CDK8: variants seen among roughly 807,000 people sequenced by gnomAD.
CDK8 encodes the protein cyclin-dependent kinase 8.
In CDK8, 29 loss-of-function variants were observed where a neutral mutation model predicts 71.5. The ratio of observed to expected loss-of-function variants is 0.41; its 90% CI spans 0.30 to 0.55. The LOEUF (loss-of-function observed/expected upper bound fraction) is 0.55. CDK8 is among the 20% of genes least tolerant of loss of function. The pLI is 0.37. For missense variants in CDK8, 288 were observed against 572.6 expected, an observed-to-expected ratio of 0.50 and a Z score of 5.07; for synonymous variants, 161 against 192.1, an observed-to-expected ratio of 0.84 and a Z score of 1.34.
chr13:26,269,145 T>C (rs1872177652), intron 1 of CDK8, among the ~76,000 whole-genome samples: 1 of 152,216 alleles, frequency 6.6e-6, no homozygotes, highest in Non-Finnish European at 1.5e-5. Context: ...TCATGTTAGG[T>C]AAGCAGCCAG....
chr13:26,317,813 A>C (rs1874583853), intron 1 of CDK8, among the ~76,000 whole-genome samples: 1 of 152,180 alleles, frequency 6.6e-6, no homozygotes, highest in African/African-American at 2.4e-5. Context: ...GGGGAAGTTT[A>C]TAGCTATAAA....
Position 26,254,582 on chromosome 13 carries a change from G to A in CDK8, c.-60G>A. 7.5e-7 allele frequency: 1 copy of A among 1,338,178 alleles called. No homozygotes were observed. 82.9% of individuals were successfully genotyped at this position (1,338,178 alleles called of 1,614,324 possible). Reference sequence around the variant, plus strand: ...GGGCTGCGGCTGCCCGTGCTTCCCCGGTCCCCACCCCTGCCCCCCGGCCCC... The same window carrying A: ...GGGCTGCGGCTGCCCGTGCTTCCCCAGTCCCCACCCCTGCCCCCCGGCCCC... On this transcript the variant is annotated 5_prime_UTR_variant, in exon 1 of 13. Transcript: ENST00000381527. This position sits in a 1 kb window ranked among gnomAD's most constrained non-coding sequence, Gnocchi z 6.7.
intron 1 of CDK8, among the ~76,000 whole-genome samples, chr13:26,290,810 C>T (rs1383758259): frequency 6.6e-6 from 1 of 151,896 alleles, no homozygotes; most frequent in Non-Finnish European, 1.5e-5. Context: ...AAAAAACAAA[C>T]AAACAAACAA....
intron 1 of CDK8, among the ~76,000 whole-genome samples, chr13:26,327,159 A>G (rs997533811): frequency 2.0e-5 from 3 of 152,196 alleles, no homozygotes; most frequent in Non-Finnish European, 4.4e-5. Flanking sequence ...TAAAGTACAT[A>G]ACCATTGAGG....
At chr13:26,290,058 G>C (rs1873224656) in intron 1 of CDK8, among the ~76,000 whole-genome samples, 1 of 152,106 alleles carries the variant, frequency 6.6e-6, no homozygotes, top group Admixed American at 6.6e-5. Context: ...ATCATGTATA[G>C]GTAGTAGTCC....
chr13:26,402,390 T>A (rs1405648073), intron 12 of CDK8, among the ~76,000 whole-genome samples: 1 of 152,170 alleles, frequency 6.6e-6, no homozygotes, highest in Non-Finnish European at 1.5e-5. Flanking sequence ...TTCTGCTTAT[T>A]CTAACCATAT....
At chr13:26,290,849 G>A (rs528209395) in intron 1 of CDK8, among the ~76,000 whole-genome samples, 5 of 152,232 alleles carry the variant, frequency 3.3e-5, no homozygotes, top group Admixed American at 3.3e-4. Flanking sequence ...AGGCGCGGTG[G>A]CTCACACCTG....
At chr13:26,336,548 G>GTTTTTT in intron 1 of CDK8, among the ~76,000 whole-genome samples, 1 of 142,138 alleles carries the variant, frequency 7.0e-6, no homozygotes, top group African/African-American at 2.8e-5. Flanking sequence ...TCTCTGAGGA[G>GTTTTTT]TCTTTTTTTT....
intron 1 of CDK8, among the ~76,000 whole-genome samples, chr13:26,318,308 TA>T (rs937592434): frequency 4.2e-4 from 62 of 148,548 alleles, no homozygotes; most frequent in Admixed American, 2.1e-3. Context: ...GCTCTTGATT[TA>T]AAAAAAAAAG....
intron 1 of CDK8, among the ~76,000 whole-genome samples, chr13:26,323,764 C>T (rs963928624): frequency 1.3e-5 from 2 of 152,078 alleles, no homozygotes; most frequent in Middle Eastern, 3.2e-3. Context: ...CGTATATGCA[C>T]GTTCAGCTTG....
intron 1 of CDK8, among the ~76,000 whole-genome samples, chr13:26,289,532 C>G (rs1873198099): frequency 6.6e-6 from 1 of 152,032 alleles, no homozygotes; most frequent in Non-Finnish European, 1.5e-5. Context: ...GATCTTATAT[C>G]TAGCCATCTT....
At chr13:26,367,385 AT>A (rs35642800) in intron 4 of CDK8, among the ~76,000 whole-genome samples, 38,086 of 149,202 alleles carry the variant, frequency 0.26, 5,486 homozygotes, top group East Asian at 0.44. Flanking sequence ...TCCTTGAATA[AT>A]TTTTTTTTTT....
intron 1 of CDK8, among the ~76,000 whole-genome samples, chr13:26,320,300 A>T (rs1874715243): frequency 1.3e-5 from 2 of 151,978 alleles, no homozygotes; most frequent in Non-Finnish European, 2.9e-5. Context: ...AGTTCCAGCT[A>T]CTCAGGAGGC....
Position 26,384,761 on chromosome 13 carries a change from G to A in CDK8, c.515-450G>A, listed in dbSNP as rs140099002. Among the ~76,000 whole-genome samples the A allele has an allele frequency of 2.7e-4, 41 of 152,244 alleles. No homozygotes were observed. In the East Asian group the frequency reaches 7.3e-3, roughly 27 times the overall value. ...CATCCCAAGTAATAGGGGAAATAATGGTGTTAAAATATTGCATAGTCAGCT... is the reference window on the plus strand; with the variant it reads ...CATCCCAAGTAATAGGGGAAATAATAGTGTTAAAATATTGCATAGTCAGCT... On this transcript the variant is annotated intron_variant, in intron 5 of 12. Coordinates refer to ENST00000381527, the MANE Select transcript of CDK8 (RefSeq NM_001260.3).
At chr13:26,280,613 A>G (rs1872707072) in intron 1 of CDK8, among the ~76,000 whole-genome samples, 2 of 152,248 alleles carry the variant, frequency 1.3e-5, no homozygotes, top group Non-Finnish European at 1.5e-5. Flanking sequence ...TGAACAGAGT[A>G]TCTTCTTTTG....
chr13:26,337,782 TATTA>T, intron 2 of CDK8, 140 bp downstream of exon 2: 1 of 339,678 alleles, frequency 2.9e-6, no homozygotes, highest in Non-Finnish European at 5.5e-6. Flanking sequence ...AAATATTATT[TATTA>T]AGGAGAAGTA....
intron 1 of CDK8, among the ~76,000 whole-genome samples, chr13:26,298,332 T>C (rs1488900857): frequency 1.3e-5 from 2 of 152,106 alleles, no homozygotes; most frequent in Non-Finnish European, 2.9e-5. Context: ...TCATTGTTAT[T>C]AAAGCCAGTG....
At chr13:26,376,420 A>G (rs960265832) in intron 4 of CDK8, among the ~76,000 whole-genome samples, 1 of 152,198 alleles carries the variant, frequency 6.6e-6, no homozygotes, top group Non-Finnish European at 1.5e-5. Flanking sequence ...AAAATTTTAC[A>G]GCTTTTCAAA....
chr13:26,387,518 A>G (rs2138054051), intron 6 of CDK8, among the ~76,000 whole-genome samples: 1 of 152,304 alleles, frequency 6.6e-6, no homozygotes, highest in East Asian at 1.9e-4. Flanking sequence ...TTCAGGGAAG[A>G]GTCCTCCAAC....
Sources: gnomAD v4.1 joint callset for allele counts (sites outside exome capture counted in the v4.1 genomes callset) on GRCh38, gnomAD v4.1.1 for gene constraint, Gnocchi (gnomAD v3.1) non-coding constraint, MANE v1.5 for transcripts, NCBI Gene and HGNC (gene_info 2026-07-23, HGNC 2026-07-21) for gene names.